Variants in MRPS31 observed in about 807,000 individuals in gnomAD.
MRPS31 encodes the protein mitochondrial ribosomal protein S31, also known as small ribosomal subunit protein mS31.
MRPS31 carries 32 observed loss-of-function variants against 43.1 expected under a neutral mutation model. That is an observed-to-expected ratio of 0.74 (90% confidence interval 0.56 to 1.00). The LOEUF (loss-of-function observed/expected upper bound fraction) is 1.00, where lower values mean the gene tolerates loss of function less well. Among genes scored for constraint, MRPS31 ranks in the 50% least tolerant of loss-of-function variants. MRPS31 has a pLI of 0.00. For synonymous variants in MRPS31, 165 were observed against 161.6 expected, an observed-to-expected ratio of 1.02 and a Z score of -0.16; for missense variants, 437 against 466.7, an observed-to-expected ratio of 0.94 and a Z score of 0.59.
At chr13:40,733,401 G>T (rs1879769880) in intron 6 of MRPS31, among the ~76,000 whole-genome samples, 1 of 151,944 alleles carries the variant, frequency 6.6e-6, no homozygotes, top group African/African-American at 2.4e-5. Context: ...TAGAACAAAA[G>T]GAGAAAAAGA....
chr13:40,758,756 T>C (rs1330045685), intron 3 of MRPS31, among the ~76,000 whole-genome samples, 192 bp downstream of exon 3: 2 of 152,238 alleles, frequency 1.3e-5, no homozygotes, highest in Non-Finnish European at 2.9e-5. Context: ...TTTATTCAAT[T>C]GTTTTTTTAA....
intron 6 of MRPS31, among the ~76,000 whole-genome samples, chr13:40,746,518 C>A (rs1221670565): frequency 6.6e-6 from 1 of 152,048 alleles, no homozygotes; most frequent in Non-Finnish European, 1.5e-5. Flanking sequence ...ATCTCCCCAA[C>A]CTGACCAAAA....
intron 6 of MRPS31, among the ~76,000 whole-genome samples, chr13:40,745,242 T>C (rs970061107): frequency 2.0e-5 from 3 of 152,078 alleles, no homozygotes; most frequent in African/African-American, 7.2e-5. Flanking sequence ...TTTTATTTTA[T>C]TTTACTTTAT....
chr13:40,749,203 A>G lies in MRPS31; in HGVS notation c.893T>C (p.Phe298Ser). ...TVNEQPLQNGFEELIQWTKEG... is the reference protein window; with the variant it reads ...TVNEQPLQNGSEELIQWTKEG... The stretch of plus-strand genomic sequence containing the variant: ...TTTTGTCCACTGGATCAGCTCTTCA[A>G]ATCCATTCTGAAGGGGTTGTTCATT... The change falls in exon 6 of 7, where the codon TTT (phenylalanine) becomes TCT (serine). Residue 298 changes from phenylalanine (F) to serine (S), a missense_variant. Physicochemically the swap from Phe to Ser is radical, Grantham distance 155 (BLOSUM62 -2). Transcript: ENST00000323563. 1 of 1,601,642 alleles carries G rather than the reference A, an allele frequency of 6.2e-7. No homozygotes were observed. Among genetic ancestry groups the G allele is most frequent in the Non-Finnish European group, 8.5e-7 (1 of 1,177,408 alleles).
intron 6 of MRPS31, among the ~76,000 whole-genome samples, chr13:40,737,001 G>C (rs1408960479): frequency 4.0e-5 from 6 of 151,524 alleles, no homozygotes; most frequent in Admixed American, 1.3e-4. Flanking sequence ...TGGATAAAGA[G>C]TCAAGACCCA....
At chr13:40,762,206 TG>T (rs1411371854) in intron 2 of MRPS31, among the ~76,000 whole-genome samples, 2 of 152,178 alleles carry the variant, frequency 1.3e-5, no homozygotes, top group East Asian at 3.9e-4. Context: ...CACTCAAGCC[TG>T]GGGAATAGAG....
At chr13:40,748,144 GA>G (rs1371229894) in intron 6 of MRPS31, among the ~76,000 whole-genome samples, 3 of 152,052 alleles carry the variant, frequency 2.0e-5, no homozygotes, top group African/African-American at 7.2e-5. Flanking sequence ...AAAAGTAAAT[GA>G]ATCTTTTTTT....
rs1450456337 is a variant in MRPS31, at chr13:40,729,337, A to C, written c.*35T>G. ...ATTATTTTATTTAGTTGTAATATCC[A>C]TCTCTAATTGTTTGAAATAAAAATT... On this transcript the variant is annotated 3_prime_UTR_variant, in exon 7 of 7. Coordinates refer to ENST00000323563, the MANE Select transcript of MRPS31 (RefSeq NM_005830.4). 1 of 1,019,772 alleles carries C rather than the reference A, an allele frequency of 9.8e-7. No homozygotes were observed. The highest frequency in any genetic ancestry group is 2.6e-5 in the East Asian group (1 of 38,212). The allele number at this position is 1,019,772 out of a possible 1,614,324, so 63.2% of individuals were successfully genotyped here. A position where few individuals can be genotyped will look rare whatever the true frequency, so the allele number is the denominator to read the frequency against.
intron 6 of MRPS31, among the ~76,000 whole-genome samples, chr13:40,731,623 A>G (rs568663182): frequency 5.3e-5 from 8 of 152,154 alleles, no homozygotes; most frequent in Non-Finnish European, 1.0e-4. Context: ...CAGAGGAAAG[A>G]GAGATAGAGA....
At chr13:40,745,898 T>A (rs1485474366) in intron 6 of MRPS31, among the ~76,000 whole-genome samples, 1 of 152,158 alleles carries the variant, frequency 6.6e-6, no homozygotes, top group Non-Finnish European at 1.5e-5. Flanking sequence ...ATAAAACTAG[T>A]GCCAAGTCTA....
At chr13:40,760,492 C>T (rs1396068151) in intron 2 of MRPS31, among the ~76,000 whole-genome samples, 3 of 151,884 alleles carry the variant, frequency 2.0e-5, no homozygotes, top group Admixed American at 1.3e-4. Flanking sequence ...AGTAGAAAGG[C>T]GTTATACCAT....
chr13:40,761,294 G>A (rs1880688941), intron 2 of MRPS31, among the ~76,000 whole-genome samples: 1 of 151,676 alleles, frequency 6.6e-6, no homozygotes, highest in South Asian at 2.1e-4. Flanking sequence ...GAAAAATAGA[G>A]AAATATAAGT....
At chr13:40,745,930 T>C (rs1239976048) in intron 6 of MRPS31, among the ~76,000 whole-genome samples, 2 of 152,162 alleles carry the variant, frequency 1.3e-5, no homozygotes, top group African/African-American at 2.4e-5. Flanking sequence ...TTCCACCTAA[T>C]AGCGCTTGTA....
Position 40,751,180 on chromosome 13 carries a change from T to C in MRPS31, c.815-1899A>G, listed in dbSNP as rs552222916. ...ACTGGGAAACAATCAGTTGTTAGCC[T>C]TAACTAGCCACATTTACAGAGCAAT... On this transcript the variant is annotated intron_variant, in intron 5 of 6. Coordinates refer to ENST00000323563, the MANE Select transcript of MRPS31 (RefSeq NM_005830.4). Among the ~76,000 whole-genome samples the C allele has an allele frequency of 7.2e-5, 11 of 152,292 alleles. No homozygotes were observed. In the South Asian group the frequency reaches 2.3e-3, roughly 32 times the overall value.
chr13:40,765,680 G>A (rs1026434971), intron 2 of MRPS31, among the ~76,000 whole-genome samples: 2 of 152,114 alleles, frequency 1.3e-5, no homozygotes, highest in African/African-American at 4.8e-5. Context: ...TAGAAACCAA[G>A]AAGTTCCATT....
chr13:40,739,295 A>T (rs898408752), intron 6 of MRPS31, among the ~76,000 whole-genome samples: 3 of 152,192 alleles, frequency 2.0e-5, no homozygotes, highest in African/African-American at 7.2e-5. Context: ...AGGAGGACAT[A>T]AACAAATGGA....
chr13:40,755,329 A>G (rs1880500729), intron 4 of MRPS31, among the ~76,000 whole-genome samples: 1 of 152,228 alleles, frequency 6.6e-6, no homozygotes. Flanking sequence ...AAGTCACAGC[A>G]GAGGGCAAAT....
At chr13:40,763,592 CCA>C (rs1256250821) in intron 2 of MRPS31, among the ~76,000 whole-genome samples, 1 of 152,082 alleles carries the variant, frequency 6.6e-6, no homozygotes, top group South Asian at 2.1e-4. Context: ...TTATCAGGTA[CCA>C]GATGTACCTG....
At chr13:40,733,188 G>A (rs1228100206) in intron 6 of MRPS31, among the ~76,000 whole-genome samples, 1 of 151,906 alleles carries the variant, frequency 6.6e-6, no homozygotes, top group Non-Finnish European at 1.5e-5. Flanking sequence ...ATTTTCAGTA[G>A]AGATGGGGTT....
Sources: allele counts gnomAD v4.1 joint callset (sites outside exome capture counted in the v4.1 genomes callset), GRCh38; gene constraint gnomAD v4.1.1; transcripts MANE v1.5; gene names NCBI Gene and HGNC (gene_info 2026-07-23, HGNC 2026-07-21).